The following PIP4K2A variants were observed in gnomAD, a reference collection of about 807,000 sequenced individuals.
PIP4K2A encodes phosphatidylinositol-5-phosphate 4-kinase type 2 alpha, also known as phosphatidylinositol 5-phosphate 4-kinase type-2 alpha.
A neutral mutation model predicts 42.9 loss-of-function variants in PIP4K2A; 14 were observed. The ratio of observed to expected loss-of-function variants is 0.33; its 90% CI spans 0.22 to 0.51. PIP4K2A has a LOEUF of 0.51. PIP4K2A is among the 20% of genes least tolerant of loss of function. The pLI is 0.97. For missense variants in PIP4K2A, 434 were observed against 519.8 expected (o/e 0.83, Z 1.61); for synonymous variants, 192 against 192.2 (o/e 1.00, Z 0.01).
At chr10:22,651,656 A>C (rs542496701) in intron 1 of PIP4K2A, among the ~76,000 whole-genome samples, 1 of 152,336 alleles carries the variant, frequency 6.6e-6, no homozygotes, top group East Asian at 1.9e-4. Context: ...AGCCTTATGC[A>C]GTTGTCATCA....
At chr10:22,596,303 C>T (rs10764344) in intron 3 of PIP4K2A, among the ~76,000 whole-genome samples, 106,251 of 151,716 alleles carry the variant, frequency 0.7, 37,651 homozygotes, top group East Asian at 0.97. Context: ...TCAGGACAAC[C>T]GTCCCAAGAA....
intron 4 of PIP4K2A, among the ~76,000 whole-genome samples, chr10:22,576,416 G>A (rs1431591053): frequency 2.6e-5 from 4 of 152,100 alleles, no homozygotes; most frequent in African/African-American, 4.8e-5. Context: ...TAACACCAGC[G>A]GGTGTTAACT....
At chr10:22,554,419 G>A (rs1329241175) in intron 6 of PIP4K2A, among the ~76,000 whole-genome samples, 6 of 152,320 alleles carry the variant, frequency 3.9e-5, no homozygotes, top group South Asian at 4.1e-4. Flanking sequence ...TGTAGCAACA[G>A]ATTCTACACT....
chr10:22,571,868 C>CT (rs1836995622), intron 5 of PIP4K2A, among the ~76,000 whole-genome samples: 1 of 152,210 alleles, frequency 6.6e-6, no homozygotes, highest in African/African-American at 2.4e-5. Context: ...TTCCAACTAT[C>CT]TCACATTAAG....
chr10:22,644,812 C>A (rs1838848485), intron 1 of PIP4K2A, among the ~76,000 whole-genome samples: 3 of 152,174 alleles, frequency 2.0e-5, no homozygotes, highest in Non-Finnish European at 4.4e-5. Context: ...AATTAGTGGA[C>A]AGGCCATAAA....
rs764774374 is a variant in PIP4K2A at position 22,567,813 on chromosome 10, C to G, written c.678+38G>C. ...AGGTGATTGGGAGTATGTGATCATG[C>G]CCCCAGGACATGGGGAGACATACAG... is the stretch of plus-strand genomic sequence containing the variant. On this transcript the variant is annotated intron_variant, in intron 6 of 9. Transcript: ENST00000376573. The G allele has an allele frequency of 5.2e-6, 8 of 1,544,218 alleles. No homozygotes were observed. In the Admixed American group the frequency reaches 1.3e-4, roughly 26 times the overall value.
Position 22,545,490 on chromosome 10 carries a change from G to A in PIP4K2A, c.793-3443C>T, listed in dbSNP as rs894201572. Reference sequence around the variant, plus strand: ...CCCTGGCACCCCATCTGGGTTCCTCGCCACACCGGGCAGCCCAGAGTAATT... The same window carrying A: ...CCCTGGCACCCCATCTGGGTTCCTCACCACACCGGGCAGCCCAGAGTAATT... On this transcript the variant is annotated intron_variant, in intron 7 of 9. Coordinates refer to ENST00000376573, the MANE Select transcript of PIP4K2A (RefSeq NM_005028.5). Among the ~76,000 whole-genome samples, 14 of 152,326 alleles carry A rather than the reference G, an allele frequency of 9.2e-5. No individual in the cohort carries two copies. In the South Asian group the frequency reaches 1.7e-3, roughly 18 times the overall value.
At chr10:22,687,906 T>C (rs1374108471) in intron 1 of PIP4K2A, among the ~76,000 whole-genome samples, 1 of 152,222 alleles carries the variant, frequency 6.6e-6, no homozygotes, top group Non-Finnish European at 1.5e-5. Context: ...AAGGGCCTAC[T>C]TTGTGCGAGA....
At chr10:22,633,470 A>G (rs1197963959) in intron 1 of PIP4K2A, among the ~76,000 whole-genome samples, 1 of 152,144 alleles carries the variant, frequency 6.6e-6, no homozygotes, top group African/African-American at 2.4e-5. Flanking sequence ...ATGGAAAAAA[A>G]TCCCAACTTT....
intron 3 of PIP4K2A, among the ~76,000 whole-genome samples, chr10:22,594,982 A>G (rs1163188227): frequency 6.6e-6 from 1 of 152,256 alleles, no homozygotes; most frequent in Admixed American, 6.5e-5. Context: ...GTTCATGAAC[A>G]TGAAATAACC....
intron 1 of PIP4K2A, among the ~76,000 whole-genome samples, chr10:22,640,122 T>G (rs1438834757): frequency 6.6e-6 from 1 of 151,312 alleles, no homozygotes; most frequent in Non-Finnish European, 1.5e-5. Context: ...AGCTATGAGT[T>G]AAACAGGTGT....
intron 1 of PIP4K2A, among the ~76,000 whole-genome samples, chr10:22,670,686 T>C (rs917473974): frequency 1.6e-4 from 25 of 152,184 alleles, no homozygotes; most frequent in Non-Finnish European, 2.9e-4. Context: ...TATTTCTCCA[T>C]AGTATTCAAA....
At chr10:22,599,775 C>T (rs1352133014) in intron 3 of PIP4K2A, among the ~76,000 whole-genome samples, 1 of 152,162 alleles carries the variant, frequency 6.6e-6, no homozygotes, top group African/African-American at 2.4e-5. Context: ...TTACACTATC[C>T]TAGCTCAAAC....
intron 4 of PIP4K2A, among the ~76,000 whole-genome samples, chr10:22,589,526 G>A (rs1043177152): frequency 6.6e-6 from 1 of 152,178 alleles, no homozygotes; most frequent in Non-Finnish European, 1.5e-5. Context: ...ACTAGAGGCA[G>A]TACCAAGTTT....
intron 1 of PIP4K2A, among the ~76,000 whole-genome samples, chr10:22,615,642 T>A (rs943883098): frequency 2.6e-5 from 4 of 152,196 alleles, no homozygotes; most frequent in Non-Finnish European, 2.9e-5. Context: ...TTTTCTTAGG[T>A]TAGCTGAACA....
At chr10:22,676,538 G>C (rs990560953) in intron 1 of PIP4K2A, among the ~76,000 whole-genome samples, 2 of 152,144 alleles carry the variant, frequency 1.3e-5, no homozygotes, top group South Asian at 2.1e-4. Flanking sequence ...TATAGGTGGA[G>C]AGTCTTCAGC....
Position 22,714,295 on chromosome 10 carries a change from A to G in PIP4K2A, c.32T>C (p.Val11Ala), listed in dbSNP as rs746907408. The G allele has an allele frequency of 1.2e-6, 2 of 1,610,982 alleles. No homozygotes were observed. Among genetic ancestry groups the G allele is most frequent in the South Asian group, 2.2e-5 (2 of 90,982 alleles). Reference protein sequence around the residue: MATPGNLGSSVLASKTKTKKK... With the variant: MATPGNLGSSALASKTKTKKK... ...CTTGGTCTTGGTCTTGCTCGCCAGG[A>G]CAGAGGACCCTAGGTTGCCGGGGGT... The change falls in exon 1 of 10, where the codon GTC (valine) becomes GCC (alanine). Residue 11 changes from valine to alanine, a missense_variant. By Grantham distance (64) the Val-to-Ala change is moderately conservative (BLOSUM62 0). Around this residue, in one of 2 missense-constraint regions of PIP4K2A, gnomAD observed 395 missense variants for 444.5 expected, o/e 0.89. Transcript: ENST00000376573.
At chr10:22,666,077 A>G (rs1221633475) in intron 1 of PIP4K2A, among the ~76,000 whole-genome samples, 1 of 151,522 alleles carries the variant, frequency 6.6e-6, no homozygotes, top group East Asian at 1.9e-4. Flanking sequence ...CTTGCCACCT[A>G]TCTTTAGGAA....
rs1835942592 is a variant in PIP4K2A at position 22,536,816 on chromosome 10, G to GTTCA, written c.*381_*384dup. The GTTCA allele has an allele frequency of 6.5e-6, 1 of 153,956 alleles. No homozygotes were observed. Among genetic ancestry groups the GTTCA allele is most frequent in the African/African-American group, 2.6e-5 (1 of 38,250 alleles). The allele number at this position is 153,956 out of a possible 1,614,324, so 9.5% of individuals were successfully genotyped here. A position where few individuals can be genotyped will look rare whatever the true frequency, so the allele number is the denominator to read the frequency against. On this transcript the variant is annotated 3_prime_UTR_variant, in exon 10 of 10. Coordinates refer to ENST00000376573, the MANE Select transcript of PIP4K2A (RefSeq NM_005028.5). The stretch of plus-strand genomic sequence containing the variant: ...TCCTTCTCCCCTCCCCCACACGTGT[G>GTTCA]TTCATTCACTCACTCACTCACTCAC...
Sources: allele counts gnomAD v4.1 joint callset (sites outside exome capture counted in the v4.1 genomes callset), GRCh38; gene constraint gnomAD v4.1.1; regional missense constraint gnomAD v4.1.1; transcripts MANE v1.5; gene names NCBI Gene and HGNC (gene_info 2026-07-23, HGNC 2026-07-21).